Variants in METTL16 observed in about 807,000 individuals in gnomAD.
METTL16 encodes methyltransferase 16, RNA N6-adenosine.
Under a neutral mutation model 57.9 loss-of-function variants are expected in METTL16, and 19 were observed. The ratio of observed to expected loss-of-function variants is 0.33; its 90% CI spans 0.23 to 0.48. METTL16 has a LOEUF of 0.48. Ranked by LOEUF, METTL16 falls within the 20% of genes least tolerant of loss-of-function variation. The pLI is 0.99. For synonymous variants in METTL16, 246 were observed against 255.6 expected (o/e 0.96, Z 0.36); for missense variants, 434 against 691.5 (o/e 0.63, Z 4.18).
At chr17:2,480,237 A>T (rs1285769560) in intron 2 of METTL16, among the ~76,000 whole-genome samples, 2 of 152,116 alleles carry the variant, frequency 1.3e-5, no homozygotes, top group African/African-American at 4.8e-5. Context: ...TTCACAGGAA[A>T]AGACCTTGCA....
chr17:2,429,401 T>C (rs569124877), intron 8 of METTL16, among the ~76,000 whole-genome samples: 62 of 150,720 alleles, frequency 4.1e-4, no homozygotes, highest in African/African-American at 1.4e-3. Flanking sequence ...TTGGCCAGGC[T>C]GGTCTCGAAC....
intron 6 of METTL16, among the ~76,000 whole-genome samples, chr17:2,448,802 T>TTAA (rs1555617301): frequency 4.6e-5 from 2 of 43,642 alleles, no homozygotes; most frequent in Non-Finnish European, 3.9e-5. Context: ...AAATAAAATT[T>TTAA]AAAAAAAAAA....
intron 1 of METTL16, among the ~76,000 whole-genome samples, chr17:2,504,608 T>A (rs542799209): frequency 6.6e-6 from 1 of 152,224 alleles, no homozygotes; most frequent in Non-Finnish European, 1.5e-5. Context: ...CAGGATGGAG[T>A]GCAGTAGCAC....
chr17:2,474,018 C>T (rs9892878), intron 3 of METTL16, among the ~76,000 whole-genome samples: 54,686 of 151,912 alleles, frequency 0.36, 13,045 homozygotes, highest in African/African-American at 0.68. Flanking sequence ...TATGTTAGTC[C>T]TACCTCCTAA....
At chr17:2,492,394 G>A (rs7208352) in intron 2 of METTL16, among the ~76,000 whole-genome samples, 19,139 of 152,024 alleles carry the variant, frequency 0.13, 1,904 homozygotes, top group African/African-American at 0.28. Context: ...ACATGCAGGG[G>A]AGAAAAATAA....
intron 8 of METTL16, among the ~76,000 whole-genome samples, chr17:2,425,607 CACAAACAA>C (rs886415615): frequency 1.3e-5 from 2 of 151,806 alleles, no homozygotes; most frequent in Non-Finnish European, 2.9e-5. Flanking sequence ...ATCAATCAGG[CACAAACAA>C]ACAAACAAAC....
At chr17:2,467,308 G>A (rs540027816) in intron 5 of METTL16, among the ~76,000 whole-genome samples, 1 of 152,288 alleles carries the variant, frequency 6.6e-6, no homozygotes, top group East Asian at 1.9e-4. Context: ...GAGTCCGGAT[G>A]TTCAAGACCA....
In METTL16 at chr17:2,417,085, T is replaced by TTA. The variant is rs869134753; in HGVS notation, c.*2884_*2885insTA. The TTA allele has an allele frequency of 7.2e-6, 1 of 138,356 alleles. No individual in the cohort carries two copies. Among genetic ancestry groups the TTA allele is most frequent in the African/African-American group, 2.9e-5 (1 of 34,948 alleles). 8.6% of individuals were successfully genotyped at this position (138,356 alleles called of 1,614,324 possible). A position where few individuals can be genotyped will look rare whatever the true frequency, so the allele number is the denominator to read the frequency against. On this transcript the variant is annotated 3_prime_UTR_variant, in exon 10 of 10. Coordinates refer to ENST00000263092, the MANE Select transcript of METTL16 (RefSeq NM_024086.4). ...TTTTTTTTTTTTTTTTTTTTTTTTT[T>TTA]GAGACAGTCCCACTTTGTCGCCCAG...
At chr17:2,445,495 G>T (rs1049524529) in intron 6 of METTL16, among the ~76,000 whole-genome samples, 14 of 152,088 alleles carry the variant, frequency 9.2e-5, no homozygotes, top group Non-Finnish European at 2.1e-4. Flanking sequence ...GCATATAAAG[G>T]TCAGGGATTT....
chr17:2,443,617 G>A (rs1324534792), intron 6 of METTL16, among the ~76,000 whole-genome samples: 7 of 151,034 alleles, frequency 4.6e-5, no homozygotes, highest in Non-Finnish European at 8.8e-5. Flanking sequence ...CTCCCGAGTA[G>A]CTGGGACTAC....
chr17:2,426,005 A>C (rs902178011), intron 8 of METTL16, among the ~76,000 whole-genome samples: 1 of 138,822 alleles, frequency 7.2e-6, no homozygotes, highest in Non-Finnish European at 1.5e-5. Context: ...GTAGCATGTT[A>C]TGTCTCCGTT....
intron 1 of METTL16, among the ~76,000 whole-genome samples, chr17:2,508,295 G>T (rs955210123): frequency 1.3e-5 from 2 of 152,118 alleles, no homozygotes; most frequent in Non-Finnish European, 2.9e-5. Flanking sequence ...TTTCAGAAAA[G>T]AACTGTTGTC....
chr17:2,465,419 C>T (rs1408013777), intron 5 of METTL16, among the ~76,000 whole-genome samples: 31 of 151,510 alleles, frequency 2.0e-4, no homozygotes, highest in Admixed American at 9.9e-4. Context: ...TGGTGGCTCA[C>T]GCCTGTAGTC....
intron 6 of METTL16, among the ~76,000 whole-genome samples, chr17:2,456,844 A>C (rs558000025): frequency 1.3e-5 from 2 of 151,840 alleles, no homozygotes; most frequent in South Asian, 4.2e-4. Flanking sequence ...GCTGGAGTAC[A>C]CTGTCTCAAT....
At chr17:2,448,823 A>T (rs1340785401) in intron 6 of METTL16, among the ~76,000 whole-genome samples, 9 of 142,892 alleles carry the variant, frequency 6.3e-5, no homozygotes, top group South Asian at 2.2e-4. Context: ...AAAAAAAAAA[A>T]AAAGAGCATC....
intron 6 of METTL16, among the ~76,000 whole-genome samples, chr17:2,448,782 A>G (rs1467947555): frequency 9.7e-6 from 1 of 102,988 alleles, no homozygotes; most frequent in African/African-American, 6.7e-5. Context: ...ATAAAAAAAT[A>G]AAAAAATAAA....
intron 2 of METTL16, among the ~76,000 whole-genome samples, chr17:2,497,332 A>C (rs1329088625): frequency 9.9e-5 from 1 of 10,054 alleles, no homozygotes; most frequent in African/African-American, 2.5e-4. Flanking sequence ...TTTTTTTTTG[A>C]GATAGGATCT....
At chr17:2,504,643 T>C (rs969726184) in intron 1 of METTL16, among the ~76,000 whole-genome samples, 2 of 152,148 alleles carry the variant, frequency 1.3e-5, no homozygotes, top group Admixed American at 1.3e-4. Context: ...GCAGCCTCAA[T>C]CTCCCATGCT....
intron 5 of METTL16, among the ~76,000 whole-genome samples, chr17:2,466,733 G>C (rs1297436743): frequency 1.3e-5 from 2 of 152,088 alleles, no homozygotes; most frequent in Non-Finnish European, 2.9e-5. Flanking sequence ...CAATGTGAAT[G>C]CTATGTAAAA....
Sources: gnomAD v4.1 joint callset for allele counts (sites outside exome capture counted in the v4.1 genomes callset) on GRCh38, gnomAD v4.1.1 for gene constraint, MANE v1.5 for transcripts, NCBI Gene and HGNC (gene_info 2026-07-23, HGNC 2026-07-21) for gene names.